CBLN2: variants seen among roughly 807,000 people sequenced by gnomAD.
CBLN2 encodes the protein cerebellin 2 precursor.
Under a neutral mutation model 15.0 loss-of-function variants are expected in CBLN2, and 7 were observed. The ratio of observed to expected loss-of-function variants is 0.47; its 90% CI spans 0.27 to 0.88. The LOEUF (loss-of-function observed/expected upper bound fraction) is 0.88. Ranked by LOEUF, CBLN2 falls within the 40% of genes least tolerant of loss-of-function variation. CBLN2 has a pLI of 0.14. For synonymous variants in CBLN2, 149 were observed against 135.2 expected (o/e 1.10, Z -0.71); for missense variants, 242 against 304.5 (o/e 0.79, Z 1.53).
At chr18:72,551,874 A>C (rs2069193905) in intron 1 of CBLN2, among the ~76,000 whole-genome samples, 1 of 152,198 alleles carries the variant, frequency 6.6e-6, no homozygotes, top group Non-Finnish European at 1.5e-5. Flanking sequence ...GCTCATCTGA[A>C]GCTTTAAACT....
intron 1 of CBLN2, among the ~76,000 whole-genome samples, chr18:72,615,404 G>A (rs1414357549): frequency 1.3e-5 from 2 of 150,872 alleles, no homozygotes; most frequent in African/African-American, 4.9e-5. Flanking sequence ...AGCCTCCAGA[G>A]TAGCTGGGAT....
At chr18:72,550,141 G>A (rs955475773) in intron 1 of CBLN2, among the ~76,000 whole-genome samples, 2 of 152,146 alleles carry the variant, frequency 1.3e-5, no homozygotes, top group African/African-American at 4.8e-5. Context: ...GTTATAATTT[G>A]ACTTTAAAAT....
chr18:72,557,993 A>G (rs1414320699), intron 1 of CBLN2, among the ~76,000 whole-genome samples: 3 of 152,218 alleles, frequency 2.0e-5, no homozygotes, highest in Admixed American at 6.5e-5. Flanking sequence ...TTTTTCCAGC[A>G]CAGAGTGCTG....
intron 1 of CBLN2, among the ~76,000 whole-genome samples, chr18:72,617,773 G>A (rs1486514111): frequency 6.6e-6 from 1 of 152,114 alleles, no homozygotes; most frequent in Non-Finnish European, 1.5e-5. Context: ...AGAAGTCAAT[G>A]TTGTGAAAAC....
At chr18:72,620,984 T>A (rs996738463) in intron 1 of CBLN2, among the ~76,000 whole-genome samples, 1 of 152,196 alleles carries the variant, frequency 6.6e-6, no homozygotes, top group East Asian at 1.9e-4. Flanking sequence ...TTAGAAGAGA[T>A]CCTGAGCTTT....
At chr18:72,603,686 C>G (rs147968068) in intron 1 of CBLN2, among the ~76,000 whole-genome samples, 1 of 152,288 alleles carries the variant, frequency 6.6e-6, no homozygotes, top group African/African-American at 2.4e-5. Flanking sequence ...CACTGCTAGA[C>G]GTTCTCTCTG....
chr18:72,631,772 C>A (rs1413657771), intron 1 of CBLN2, among the ~76,000 whole-genome samples: 2 of 152,098 alleles, frequency 1.3e-5, no homozygotes, highest in African/African-American at 2.4e-5. Flanking sequence ...TGCAAAAATT[C>A]ATCTGAAATA....
At chr18:72,619,436 T>C (rs895536071) in intron 1 of CBLN2, among the ~76,000 whole-genome samples, 1 of 152,234 alleles carries the variant, frequency 6.6e-6, no homozygotes, top group African/African-American at 2.4e-5. Flanking sequence ...TGTTTTAGTT[T>C]CTGTTCCGTG....
chr18:72,595,116 T>G (rs2069504735), intron 1 of CBLN2, among the ~76,000 whole-genome samples: 1 of 151,980 alleles, frequency 6.6e-6, no homozygotes, highest in Non-Finnish European at 1.5e-5. Context: ...TTAAGATGCA[T>G]AATTAGGTTA....
chr18:72,613,493 A>G (rs2069637197), intron 1 of CBLN2, among the ~76,000 whole-genome samples: 1 of 88,348 alleles, frequency 1.1e-5, no homozygotes, highest in African/African-American at 2.7e-5. Context: ...TACACACTTT[A>G]GTTGAAAGAT....
intron 1 of CBLN2, among the ~76,000 whole-genome samples, chr18:72,634,363 G>A (rs2069797920): frequency 6.6e-6 from 1 of 151,734 alleles, no homozygotes; most frequent in Non-Finnish European, 1.5e-5. Flanking sequence ...TTCTATTATG[G>A]CCAATGATAT....
chr18:72,631,564 C>G (rs1568137594), intron 1 of CBLN2, among the ~76,000 whole-genome samples: 1 of 152,098 alleles, frequency 6.6e-6, no homozygotes, highest in Non-Finnish European at 1.5e-5. Context: ...CTCTTTATCT[C>G]CCACACATCA....
At chr18:72,606,367 G>T (rs564343635) in intron 1 of CBLN2, among the ~76,000 whole-genome samples, 1 of 152,048 alleles carries the variant, frequency 6.6e-6, no homozygotes, top group Admixed American at 6.6e-5. Context: ...TATGGAAATC[G>T]TTTTCCTGTA....
intron 1 of CBLN2, among the ~76,000 whole-genome samples, chr18:72,636,942 T>C (rs964869321): frequency 5.3e-5 from 8 of 150,234 alleles, no homozygotes; most frequent in Admixed American, 2.7e-4. Flanking sequence ...GCTTCAGTCA[T>C]GCAGAAGCTC....
At chr18:72,548,219 A>G (rs1240933361), upstream of CBLN2, among the ~76,000 whole-genome samples, 4 of 152,228 alleles carry the variant, frequency 2.6e-5, no homozygotes, top group Non-Finnish European at 5.9e-5. Flanking sequence ...ATCAGAATGT[A>G]TTCTGACTGT....
chr18:72,622,298 C>T (rs1046175597), intron 1 of CBLN2, among the ~76,000 whole-genome samples: 2 of 152,006 alleles, frequency 1.3e-5, no homozygotes, highest in Non-Finnish European at 2.9e-5. Context: ...GCTTATGCAA[C>T]CAAGATCTTG....
chr18:72,560,922 T>C (rs1568255749), intron 1 of CBLN2, among the ~76,000 whole-genome samples: 1 of 151,996 alleles, frequency 6.6e-6, no homozygotes, highest in African/African-American at 2.4e-5. Context: ...GGCAGGAGAA[T>C]GGTGTGAACC....
Position 72,538,319 on chromosome 18 carries a change from C to A in CBLN2, c.532G>T (p.Asp178Tyr). ...TTGCTAGCAGCTTCTCTGGTGACATCCTGGTCTCCTGCAAAGGCCGAGATC... is the reference window on the plus strand; with the variant it reads ...TTGCTAGCAGCTTCTCTGGTGACATACTGGTCTCCTGCAAAGGCCGAGATC... ...PVISAFAGDQ[D>Y]VTREAASNGV... The change falls in exon 5 of 5, where the codon GAT (aspartate) becomes TAT (tyrosine). Residue 178 changes from aspartate (D) to tyrosine (Y), a missense_variant. Physicochemically the swap from Asp to Tyr is radical, Grantham distance 160. This residue lies in a region of CBLN2 where 26 missense variants were observed against 70.3 expected (regional missense o/e 0.37). Transcript: ENST00000269503. 6.2e-7 allele frequency: 1 copy of A among 1,614,154 alleles called. No homozygotes were observed. The highest frequency in any genetic ancestry group is 8.5e-7 in the Non-Finnish European group (1 of 1,180,036).
chr18:72,583,153 C>A (rs1315370627), intron 1 of CBLN2, among the ~76,000 whole-genome samples: 1 of 152,172 alleles, frequency 6.6e-6, no homozygotes, highest in Admixed American at 6.5e-5. Context: ...CAGATTAAGA[C>A]TCCCAGGTTG....
Sources: allele counts gnomAD v4.1 joint callset (sites outside exome capture counted in the v4.1 genomes callset), GRCh38; gene constraint gnomAD v4.1.1; regional missense constraint gnomAD v4.1.1; transcripts MANE v1.5; gene names NCBI Gene and HGNC (gene_info 2026-07-23, HGNC 2026-07-21).